DCC: variants seen among roughly 807,000 people sequenced by gnomAD.
The protein encoded by DCC is netrin receptor DCC.
A neutral mutation model predicts 172.5 loss-of-function variants in DCC; 58 were observed. The ratio of observed to expected loss-of-function variants is 0.34; its 90% CI spans 0.27 to 0.42. DCC has a LOEUF of 0.42. DCC is among the 10% of genes least tolerant of loss of function. The probability of loss-of-function intolerance (pLI) is 1.00; values close to 1 mark genes in which losing one functional copy is unlikely to be tolerated. For missense variants in DCC, 1,740 were observed against 1,791.0 expected (o/e 0.97, Z 0.51); for synonymous variants, 709 against 644.5 (o/e 1.10, Z -1.52).
chr18:52,798,790 T>C (rs1223049158), intron 2 of DCC, among the ~76,000 whole-genome samples: 4 of 151,912 alleles, frequency 2.6e-5, no homozygotes, highest in Non-Finnish European at 5.9e-5. Flanking sequence ...TTTACTCTTG[T>C]TGCCCAGGCT....
intron 1 of DCC, among the ~76,000 whole-genome samples, chr18:52,701,254 C>T (rs1389872247): frequency 6.6e-6 from 1 of 152,036 alleles, no homozygotes; most frequent in Non-Finnish European, 1.5e-5. Flanking sequence ...AGGAATAGTG[C>T]TTCTTATTGA....
intron 1 of DCC, among the ~76,000 whole-genome samples, chr18:52,432,055 T>C (rs566790106): frequency 6.6e-6 from 1 of 152,306 alleles, no homozygotes; most frequent in Admixed American, 6.5e-5. Context: ...CTGCACTGTT[T>C]GCCACTTTTA....
intron 1 of DCC, among the ~76,000 whole-genome samples, chr18:52,470,534 T>C (rs1002067301): frequency 1.3e-5 from 2 of 152,166 alleles, no homozygotes; most frequent in Non-Finnish European, 1.5e-5. Context: ...TTAGTAGTCA[T>C]GTCAGAGTAA....
chr18:52,777,194 AG>A (rs1393187554), intron 2 of DCC, among the ~76,000 whole-genome samples: 1 of 152,190 alleles, frequency 6.6e-6, no homozygotes, highest in Non-Finnish European at 1.5e-5. Flanking sequence ...CTAGTGTATG[AG>A]TTTCCTATGG....
chr18:53,347,650 C>T (rs146931278), intron 15 of DCC, among the ~76,000 whole-genome samples: 406 of 152,234 alleles, frequency 2.7e-3, no homozygotes, highest in Non-Finnish European at 5.0e-3. Flanking sequence ...TGTTTTCATG[C>T]TGCTAATAAA....
intron 2 of DCC, among the ~76,000 whole-genome samples, chr18:52,828,576 G>A (rs913348159): frequency 5.3e-5 from 8 of 152,044 alleles, no homozygotes; most frequent in African/African-American, 1.9e-4. Flanking sequence ...TAGTTTGATA[G>A]TCTTTGTTGT....
At chr18:53,472,230 G>A (rs1260933313) in intron 25 of DCC, among the ~76,000 whole-genome samples, 1 of 152,086 alleles carries the variant, frequency 6.6e-6, no homozygotes, top group Non-Finnish European at 1.5e-5. Context: ...TCATTTACTA[G>A]AGAGAGAAGA....
At chr18:53,372,252 G>T (rs914990821) in intron 15 of DCC, among the ~76,000 whole-genome samples, 6 of 152,068 alleles carry the variant, frequency 3.9e-5, no homozygotes, top group Admixed American at 3.3e-4. Context: ...TAAAGAAAAT[G>T]TGGTACATAT....
At chr18:52,437,406 A>G (rs931648938) in intron 1 of DCC, among the ~76,000 whole-genome samples, 2 of 152,190 alleles carry the variant, frequency 1.3e-5, no homozygotes, top group Non-Finnish European at 2.9e-5. Flanking sequence ...TGTTAAGGAG[A>G]TAATTACTAT....
intron 5 of DCC, among the ~76,000 whole-genome samples, chr18:53,059,701 CTT>C (rs1338839134): frequency 6.6e-6 from 1 of 151,966 alleles, no homozygotes; most frequent in Non-Finnish European, 1.5e-5. Flanking sequence ...CATTAATTGA[CTT>C]TTTTATGACA....
intron 5 of DCC, among the ~76,000 whole-genome samples, chr18:52,969,981 G>A (rs2041003382): frequency 6.6e-6 from 1 of 152,012 alleles, no homozygotes; most frequent in African/African-American, 2.4e-5. Flanking sequence ...AAAGTACAAT[G>A]ATAAGAGTTC....
intron 2 of DCC, chr18:52,756,835 A>G (rs2037083722): frequency 6.6e-6 from 1 of 152,224 alleles, no homozygotes; most frequent in African/African-American, 2.4e-5. Context: ...AGTGCAGAGT[A>G]GATTCTTATT....
intron 1 of DCC, among the ~76,000 whole-genome samples, chr18:52,400,102 G>C (rs770694769): frequency 3.0e-4 from 46 of 151,860 alleles, no homozygotes; most frequent in Non-Finnish European, 6.2e-4. Flanking sequence ...CCCATCAATA[G>C]CAATTCATAG....
chr18:52,765,104 C>G (rs1913979141), intron 2 of DCC, among the ~76,000 whole-genome samples: 1 of 151,524 alleles, frequency 6.6e-6, no homozygotes, highest in Non-Finnish European at 1.5e-5. Context: ...TCTCAGCTCA[C>G]TGCAACCTCC....
chr18:53,087,458 T>C (rs528936404), intron 7 of DCC, among the ~76,000 whole-genome samples: 3,272 of 151,544 alleles, frequency 0.022, 129 homozygotes, highest in African/African-American at 0.075. Flanking sequence ...TGTTTGTTTT[T>C]TTCTTGTAAA....
At chr18:53,529,670 T>A (rs1568190367) in intron 28 of DCC, among the ~76,000 whole-genome samples, 1 of 152,182 alleles carries the variant, frequency 6.6e-6, no homozygotes, top group Non-Finnish European at 1.5e-5. Flanking sequence ...CAGTTTCACA[T>A]CTTATTTCCC....
intron 1 of DCC, among the ~76,000 whole-genome samples, chr18:52,350,657 A>G (rs950455826): frequency 6.6e-6 from 1 of 152,162 alleles, no homozygotes; most frequent in Non-Finnish European, 1.5e-5. Context: ...CAGAACTTAA[A>G]TATAATTTAA....
intron 1 of DCC, among the ~76,000 whole-genome samples, chr18:52,502,499 T>C (rs528185437): frequency 7.2e-5 from 11 of 152,322 alleles, no homozygotes; most frequent in African/African-American, 2.6e-4. Flanking sequence ...TCCTTGCCTG[T>C]TGGGTGGGAC....
chr18:52,879,412 C>CTTTTTTTTTTTTT lies in DCC; in HGVS notation c.413-26615_413-26603dup, dbSNP rs71175533. Among the ~76,000 whole-genome samples the CTTTTTTTTTTTTT allele has an allele frequency of 4.3e-3, 267 of 62,276 alleles. 55 individuals are homozygous for CTTTTTTTTTTTTT. Among genetic ancestry groups the CTTTTTTTTTTTTT allele is most frequent in the East Asian group, 5.3e-3 (9 of 1,694 alleles). The allele number at this position is 62,276 out of a possible 152,430, so 40.9% of individuals were successfully genotyped here. A position where few individuals can be genotyped will look rare whatever the true frequency, so the allele number is the denominator to read the frequency against. On this transcript the variant is annotated intron_variant, in intron 2 of 28. Coordinates refer to ENST00000442544, the MANE Select transcript of DCC (RefSeq NM_005215.4). ...AATTTCTAGCCCATATGTTGTTTGG[C>CTTTTTTTTTTTTT]TTTTTTTTTTTTTTTTTTTTTTTTT...
Sources: gnomAD v4.1 joint callset for allele counts (sites outside exome capture counted in the v4.1 genomes callset) on GRCh38, gnomAD v4.1.1 for gene constraint, MANE v1.5 for transcripts, NCBI Gene and HGNC (gene_info 2026-07-23, HGNC 2026-07-21) for gene names.